The following TASP1 variants were observed in gnomAD, a reference collection of about 807,000 sequenced individuals.
TASP1 encodes threonine aspartase 1.
In TASP1, 16 loss-of-function variants were observed where a neutral mutation model predicts 56.6. The ratio of observed to expected loss-of-function variants is 0.28; its 90% confidence interval spans 0.19 to 0.43. TASP1 has a LOEUF of 0.43. TASP1 is among the 20% of genes least tolerant of loss of function. The probability of loss-of-function intolerance (pLI) is 1.00; values close to 1 mark genes in which losing one functional copy is unlikely to be tolerated. For synonymous variants in TASP1, 179 were observed against 184.2 expected, an observed-to-expected ratio of 0.97 and a Z score of 0.23; for missense variants, 393 against 511.6, an observed-to-expected ratio of 0.77 and a Z score of 2.24.
At chr20:13,481,849 AT>A (rs35375064) in intron 11 of TASP1, among the ~76,000 whole-genome samples, 92,452 of 151,876 alleles carry the variant, frequency 0.61, 28,743 homozygotes, top group Non-Finnish European at 0.68. Flanking sequence ...TAGTTTGCAA[AT>A]TATCTTCTCC....
chr20:13,485,144 T>G (rs999469832), intron 10 of TASP1, among the ~76,000 whole-genome samples: 37 of 151,786 alleles, frequency 2.4e-4, no homozygotes, highest in African/African-American at 8.2e-4. Flanking sequence ...AATAATAGAA[T>G]AAAAAGAACA....
At chr20:13,429,488 T>A (rs6109877) in intron 12 of TASP1, among the ~76,000 whole-genome samples, 9,670 of 151,794 alleles carry the variant, frequency 0.064, 448 homozygotes, top group African/African-American at 0.13. Context: ...TTTTTTTTTT[T>A]AAAAAGGACT....
the TASP1 span, among the ~76,000 whole-genome samples, chr20:13,335,808 A>C: frequency 6.6e-6 from 1 of 152,156 alleles, no homozygotes; most frequent in East Asian, 1.9e-4. Flanking sequence ...AAAAGCAAAA[A>C]GAAACTAAGG....
chr20:13,165,995 A>C, the TASP1 span: 1 of 152,544 alleles, frequency 6.6e-6, no homozygotes, highest in Non-Finnish European at 1.5e-5. Flanking sequence ...ACATGAACAC[A>C]AACCTCTATG....
chr20:13,224,977 C>T, the TASP1 span, among the ~76,000 whole-genome samples: 6 of 151,098 alleles, frequency 4.0e-5, no homozygotes, highest in South Asian at 1.3e-3. Context: ...TCCCAAGTAG[C>T]TGGGACTACA....
chr20:13,430,473 AG>A (rs2146154068), intron 12 of TASP1, among the ~76,000 whole-genome samples: 1 of 152,274 alleles, frequency 6.6e-6, no homozygotes, highest in South Asian at 2.1e-4. Context: ...AGCTGTTGGG[AG>A]GAAGTCGCAG....
chr20:13,435,200 T>C, intron 11 of TASP1, 46 bp from the exon 12 acceptor site: 1 of 1,399,020 alleles, frequency 7.1e-7, no homozygotes, highest in Non-Finnish European at 9.7e-7. Flanking sequence ...ATTTTACTTT[T>C]TAAATTTTCA....
At chr20:13,512,681 C>T (rs547690658) in intron 10 of TASP1, among the ~76,000 whole-genome samples, 1 of 152,294 alleles carries the variant, frequency 6.6e-6, no homozygotes, top group African/African-American at 2.4e-5. Flanking sequence ...TTGCCCATGC[C>T]TATGTCCTGA....
intron 4 of TASP1, among the ~76,000 whole-genome samples, chr20:13,595,044 A>G (rs550861401): frequency 6.6e-6 from 1 of 152,360 alleles, no homozygotes; most frequent in Admixed American, 6.5e-5. Context: ...GAAACCCTAC[A>G]AGCCAGAAGA....
intron 11 of TASP1, among the ~76,000 whole-genome samples, chr20:13,463,127 G>A (rs2044117766): frequency 6.6e-6 from 1 of 152,080 alleles, no homozygotes; most frequent in Non-Finnish European, 1.5e-5. Flanking sequence ...TTAGTATGAT[G>A]CCACAGTAAC....
At chr20:13,459,387 A>AG (rs1329716249) in intron 11 of TASP1, among the ~76,000 whole-genome samples, 1 of 152,082 alleles carries the variant, frequency 6.6e-6, no homozygotes, top group Non-Finnish European at 1.5e-5. Flanking sequence ...CAAAGTCCAT[A>AG]GTCCATCATT....
rs541033897 is a variant in TASP1, at chr20:13,605,331, A to C, written c.283-17961T>G. ...ACATTGATCAATTTTGTTGCATGTA[A>C]ATTATACTCCAATAAAGCTGACAAA... On this transcript the variant is annotated intron_variant, in intron 4 of 13. Coordinates refer to ENST00000337743, the MANE Select transcript of TASP1 (RefSeq NM_017714.3). Among the ~76,000 whole-genome samples, 5 of 152,282 alleles carry C rather than the reference A, an allele frequency of 3.3e-5. No individual in the cohort carries two copies. In the South Asian group the frequency reaches 1.0e-3, roughly 32 times the overall value.
the TASP1 span, among the ~76,000 whole-genome samples, chr20:13,240,359 G>T: frequency 6.6e-6 from 1 of 152,178 alleles, no homozygotes; most frequent in African/African-American, 2.4e-5. Flanking sequence ...ACTAAAAGAG[G>T]GTGGTCAAGG....
intron 9 of TASP1, among the ~76,000 whole-genome samples, chr20:13,532,638 G>A (rs958258707): frequency 1.3e-5 from 2 of 152,224 alleles, no homozygotes; most frequent in African/African-American, 4.8e-5. Flanking sequence ...TCTAAGTGCA[G>A]TGGCAGAATA....
chr20:13,527,045 G>A (rs567309888), intron 10 of TASP1, among the ~76,000 whole-genome samples: 6 of 152,236 alleles, frequency 3.9e-5, no homozygotes, highest in African/African-American at 1.4e-4. Context: ...GAAATCATGA[G>A]AACAGCAGAA....
chr20:13,191,861 T>A, the TASP1 span, among the ~76,000 whole-genome samples: 2 of 152,186 alleles, frequency 1.3e-5, no homozygotes, highest in African/African-American at 4.8e-5. Flanking sequence ...CTCATAAATA[T>A]GTACAATTAT....
intron 3 of TASP1, among the ~76,000 whole-genome samples, chr20:13,623,893 C>A (rs1385657441): frequency 2.0e-5 from 3 of 152,174 alleles, no homozygotes; most frequent in African/African-American, 7.2e-5. Context: ...CTAATCATTT[C>A]TCCTCCCACT....
the TASP1 span, chr20:13,299,689 G>A: frequency 4.3e-6 from 2 of 462,482 alleles, no homozygotes; most frequent in East Asian, 6.5e-5. The surrounding 1 kb of genome is among the most constrained non-coding windows in gnomAD (Gnocchi z 5.8). Flanking sequence ...CCTGGGGAGC[G>A]ATGTGGGCAG....
the TASP1 span, chr20:13,239,806 A>G: frequency 6.6e-6 from 1 of 152,234 alleles, no homozygotes; most frequent in Admixed American, 6.5e-5. Context: ...AAATTAAAAG[A>G]TTTGGCTAAG....
Sources: allele counts gnomAD v4.1 joint callset (sites outside exome capture counted in the v4.1 genomes callset), GRCh38; gene constraint gnomAD v4.1.1; non-coding constraint Gnocchi (gnomAD v3.1); transcripts MANE v1.5; gene names NCBI Gene and HGNC (gene_info 2026-07-23, HGNC 2026-07-21).